The following NFATC1 variants were observed in gnomAD, a reference collection of about 807,000 sequenced individuals.
NFATC1 encodes nuclear factor of activated T cells 1.
In NFATC1, 22 loss-of-function variants were observed where a neutral mutation model predicts 76.0. That is an observed-to-expected ratio of 0.29 (90% CI 0.21 to 0.41). The LOEUF is 0.41. NFATC1 is among the 10% of genes least tolerant of loss of function. The pLI is 1.00. For missense variants in NFATC1, 1,357 were observed against 1,337.7 expected (o/e 1.01, Z -0.23); for synonymous variants, 704 against 613.1 (o/e 1.15, Z -2.19).
At chr18:79,507,127 G>A (rs991056898) in intron 9 of NFATC1, among the ~76,000 whole-genome samples, 4 of 152,244 alleles carry the variant, frequency 2.6e-5, no homozygotes, top group Non-Finnish European at 4.4e-5. Context: ...TGCGGGGAGG[G>A]GGTTATCAGC....
chr18:79,445,348 C>T (rs2087161541), intron 3 of NFATC1, among the ~76,000 whole-genome samples: 1 of 152,184 alleles, frequency 6.6e-6, no homozygotes, highest in Admixed American at 6.5e-5. Context: ...GGTGGAGCCA[C>T]GGGGTCTCTG....
chr18:79,400,318 C>T, intron 1 of NFATC1: 1 of 1,291,638 alleles, frequency 7.7e-7, no homozygotes, highest in Non-Finnish European at 9.9e-7. Context: ...GGAGGACGCG[C>T]GGGCAGCGCC....
intron 2 of NFATC1, among the ~76,000 whole-genome samples, chr18:79,428,870 C>T (rs772259384): frequency 4.6e-5 from 7 of 152,030 alleles, no homozygotes; most frequent in Non-Finnish European, 8.8e-5. Flanking sequence ...AGACAAAGTA[C>T]CAAATTATGT....
At chr18:79,467,839 T>C (rs779819387) in intron 8 of NFATC1, 49 of 1,177,850 alleles carry the variant, frequency 4.2e-5, no homozygotes, top group Non-Finnish European at 5.2e-5. Flanking sequence ...TTTTGCTTCT[T>C]GCGAATGTAT....
At chr18:79,474,168 ACGCTCG>A (rs2088924814) in intron 8 of NFATC1, among the ~76,000 whole-genome samples, 1 of 121,734 alleles carries the variant, frequency 8.2e-6, no homozygotes, top group African/African-American at 3.5e-5. Flanking sequence ...GCGTGTTCTC[ACGCTCG>A]CTGTCGACGT....
intron 7 of NFATC1, among the ~76,000 whole-genome samples, chr18:79,461,860 C>T (rs968370071): frequency 3.9e-5 from 6 of 152,220 alleles, no homozygotes; most frequent in Non-Finnish European, 5.9e-5. Flanking sequence ...TCACCCCGTC[C>T]TCCGAGGCCA....
At chr18:79,430,986 T>C (rs1400100835) in intron 2 of NFATC1, among the ~76,000 whole-genome samples, 3 of 152,208 alleles carry the variant, frequency 2.0e-5, no homozygotes, top group Admixed American at 2.0e-4. Context: ...CAGCGTTAGC[T>C]GATACTGGGT....
At chr18:79,413,874 G>C (rs2085784653) in intron 2 of NFATC1, among the ~76,000 whole-genome samples, 1 of 152,160 alleles carries the variant, frequency 6.6e-6, no homozygotes, top group African/African-American at 2.4e-5. Flanking sequence ...GTTTCAGGAA[G>C]AATTCCGTGC....
chr18:79,404,068 G>C (rs1044260789), intron 1 of NFATC1, among the ~76,000 whole-genome samples: 1 of 152,226 alleles, frequency 6.6e-6, no homozygotes, highest in Non-Finnish European at 1.5e-5. Context: ...GTTTTTCAAA[G>C]GAAGATCTCA....
At chr18:79,495,816 A>G (rs944614519) in intron 9 of NFATC1, among the ~76,000 whole-genome samples, 2 of 151,934 alleles carry the variant, frequency 1.3e-5, no homozygotes, top group South Asian at 4.2e-4. Flanking sequence ...TAAGGCGTTC[A>G]TGGGTGTGTC....
intron 2 of NFATC1, among the ~76,000 whole-genome samples, chr18:79,426,779 G>T (rs1000133343): frequency 6.6e-6 from 1 of 152,242 alleles, no homozygotes; most frequent in Non-Finnish European, 1.5e-5. Flanking sequence ...CTGCAGATTC[G>T]CGGGAAGCTG....
At chr18:79,416,480 G>GACCTCCGTGTCCA (rs2085879924) in intron 2 of NFATC1, among the ~76,000 whole-genome samples, 2 of 78,594 alleles carry the variant, frequency 2.5e-5, no homozygotes, top group African/African-American at 8.3e-5. Flanking sequence ...CAGACTGTCC[G>GACCTCCGTGTCCA]CGGGCGCTGG....
chr18:79,411,580 G>A, intron 2 of NFATC1, 79 bp downstream of exon 2: 2 of 1,069,654 alleles, frequency 1.9e-6, no homozygotes, highest in Non-Finnish European at 2.3e-6. Context: ...CGGGACGGGG[G>A]GCGGCGCGGG....
intron 6 of NFATC1, among the ~76,000 whole-genome samples, chr18:79,456,702 C>G (rs576234531): frequency 6.6e-6 from 1 of 152,088 alleles, no homozygotes. Context: ...AGGAGCGGGC[C>G]GAGGAGGAAG....
Position 79,396,149 on chromosome 18 carries a change from C to T in NFATC1, c.-76C>T. On this transcript the variant is annotated 5_prime_UTR_variant, in exon 1 of 10. Coordinates refer to ENST00000427363, the MANE Select transcript of NFATC1 (RefSeq NM_001278669.2). ...GGGCGAGGGCTGTCTTCCCGGAGAC[C>T]CGACCCCGGCAGCGCGGGGCGGCCG... The T allele has an allele frequency of 7.5e-7, 1 of 1,339,944 alleles. No homozygotes were observed. The highest frequency in any genetic ancestry group is 1.6e-5 in the African/African-American group (1 of 64,112). The allele number at this position is 1,339,944 out of a possible 1,614,324, so 83.0% of individuals were successfully genotyped here.
chr18:79,419,204 G>A (rs1719073992), intron 2 of NFATC1, among the ~76,000 whole-genome samples: 3 of 152,104 alleles, frequency 2.0e-5, no homozygotes, highest in Admixed American at 6.5e-5. Context: ...TTTAAGTTTT[G>A]TGGAGACAGA....
chr18:79,502,688 A>G, intron 9 of NFATC1, among the ~76,000 whole-genome samples: 1 of 152,218 alleles, frequency 6.6e-6, no homozygotes, highest in East Asian at 1.9e-4. Context: ...TTCTCCAGAC[A>G]AGACATAGGA....
At chr18:79,523,382 G>A (rs2090666231) in intron 9 of NFATC1, among the ~76,000 whole-genome samples, 2 of 152,312 alleles carry the variant, frequency 1.3e-5, no homozygotes, top group East Asian at 3.9e-4. Context: ...GGTGAACTTT[G>A]GGTAGCTCAC....
chr18:79,525,940 C>T (rs568878821), intron 9 of NFATC1, among the ~76,000 whole-genome samples: 10 of 152,372 alleles, frequency 6.6e-5, no homozygotes, highest in South Asian at 2.1e-4. Context: ...CTGTCTCGTG[C>T]CACAGATGCC....
Sources: allele counts gnomAD v4.1 joint callset (sites outside exome capture counted in the v4.1 genomes callset), GRCh38; gene constraint gnomAD v4.1.1; transcripts MANE v1.5; gene names NCBI Gene and HGNC (gene_info 2026-07-23, HGNC 2026-07-21).